Variants in ANGPT1 observed in about 807,000 individuals in gnomAD.
The protein encoded by ANGPT1 is angiopoietin 1, also known as angiopoietin-1.
Under a neutral mutation model 62.2 loss-of-function variants are expected in ANGPT1, and 17 were observed. That is an observed-to-expected ratio of 0.27 (90% confidence interval 0.19 to 0.41). The LOEUF (loss-of-function observed/expected upper bound fraction) is 0.41, where lower values mean the gene tolerates loss of function less well. ANGPT1 is among the 10% of genes least tolerant of loss of function. The probability of loss-of-function intolerance (pLI) is 1.00; values close to 1 mark genes in which losing one functional copy is unlikely to be tolerated. For missense variants in ANGPT1, 478 were observed against 594.9 expected, an observed-to-expected ratio of 0.80 and a Z score of 2.04; for synonymous variants, 199 against 198.9, an observed-to-expected ratio of 1.00 and a Z score of 0.00.
chr8:107,272,774 T>C (rs118024471), intron 7 of ANGPT1, among the ~76,000 whole-genome samples: 5,904 of 150,674 alleles, frequency 0.039, 181 homozygotes, highest in Non-Finnish European at 0.056. Context: ...ATATATGAGA[T>C]CTGTGACAAT....
chr8:107,428,672 TAACTA>T (rs1403421267), intron 1 of ANGPT1, among the ~76,000 whole-genome samples: 4 of 151,974 alleles, frequency 2.6e-5, no homozygotes, highest in African/African-American at 9.7e-5. Flanking sequence ...TCGAGTGCTA[TAACTA>T]AACAAGAACA....
intron 1 of ANGPT1, among the ~76,000 whole-genome samples, chr8:107,449,844 T>C (rs1811722527): frequency 6.6e-6 from 1 of 152,122 alleles, no homozygotes; most frequent in Non-Finnish European, 1.5e-5. Context: ...ATTCGTCCTG[T>C]ATGATGAATC....
At chr8:107,268,310 T>C (rs1813661106) in intron 7 of ANGPT1, among the ~76,000 whole-genome samples, 1 of 152,068 alleles carries the variant, frequency 6.6e-6, no homozygotes, top group East Asian at 1.9e-4. Flanking sequence ...GAAGTATAGC[T>C]TTTACATCTC....
chr8:107,497,180 C>T, intron 1 of ANGPT1, 82 bp downstream of exon 1: 2 of 1,449,304 alleles, frequency 1.4e-6, no homozygotes, highest in Non-Finnish European at 1.9e-6. Context: ...TACACAAATG[C>T]TCCCCTAAGG....
Position 107,368,520 on chromosome 8 carries a change from T to C in ANGPT1, c.298-21423A>G, listed in dbSNP as rs1401110028. Among the ~76,000 whole-genome samples the C allele has an allele frequency of 2.2e-4, 2 of 9,080 alleles. 1 individual carries two copies. Among genetic ancestry groups the C allele is most frequent in the Non-Finnish European group, 8.9e-4 (2 of 2,236 alleles). The allele number at this position is 9,080 out of a possible 152,430, so 6.0% of individuals were successfully genotyped here. ...TAAGTATATTCCTTATACTTATTTA[T>C]AAGTATATTCCTTATACTTATTTAT... On this transcript the variant is annotated intron_variant, in intron 1 of 8. Coordinates refer to ENST00000517746, the MANE Select transcript of ANGPT1 (RefSeq NM_001146.5).
In ANGPT1 at chr8:107,347,058, C is replaced by A; in HGVS notation, c.337G>T (p.Ala113Ser). Residue 113 changes from alanine (A) to serine (S), a missense_variant, in exon 2 of 9, where the codon GCC becomes TCC. Coordinates refer to ENST00000517746, the MANE Select transcript of ANGPT1 (RefSeq NM_001146.5). ...YIVENMKSEM[A>S]QIQQNAVQNH... is the part of the protein sequence containing the mutation. ...TGAACTGCATTCTGCTGTATCTGGG[C>A]CATCTCCGACTTCATGTTTTCCACA... The A allele has an allele frequency of 1.2e-6, 2 of 1,613,716 alleles. No homozygotes were observed. The highest frequency in any genetic ancestry group is 1.3e-5 in the African/African-American group (1 of 74,980).
chr8:107,476,632 C>T (rs905874850), intron 1 of ANGPT1, among the ~76,000 whole-genome samples: 11 of 151,976 alleles, frequency 7.2e-5, no homozygotes, highest in African/African-American at 2.7e-4. Flanking sequence ...TTAGGATCGT[C>T]GTTTCCTCCT....
At chr8:107,425,484 T>C (rs185310194) in intron 1 of ANGPT1, among the ~76,000 whole-genome samples, 16 of 152,246 alleles carry the variant, frequency 1.1e-4, no homozygotes, top group African/African-American at 3.1e-4. Flanking sequence ...CAATTCAAAA[T>C]AGAGGTAATT....
At chr8:107,374,090 CT>C (rs1816474246) in intron 1 of ANGPT1, among the ~76,000 whole-genome samples, 1 of 152,080 alleles carries the variant, frequency 6.6e-6, no homozygotes, top group Admixed American at 6.5e-5. Context: ...ATTAATGTTT[CT>C]TTTTTATATA....
chr8:107,310,323 T>G (rs1814819409), intron 4 of ANGPT1, among the ~76,000 whole-genome samples: 1 of 152,150 alleles, frequency 6.6e-6, no homozygotes, highest in Admixed American at 6.5e-5. Flanking sequence ...TGCTACTAAC[T>G]TCACCAAAAC....
intron 1 of ANGPT1, among the ~76,000 whole-genome samples, chr8:107,409,827 CT>C (rs1458095068): frequency 2.0e-5 from 3 of 151,126 alleles, no homozygotes; most frequent in Admixed American, 6.6e-5. Flanking sequence ...ACCTTCTTTT[CT>C]GTTTAACTAG....
In ANGPT1 at chr8:107,420,363, C is replaced by T. The variant is rs559580613; in HGVS notation, c.298-73266G>A. On this transcript the variant is annotated intron_variant, in intron 1 of 8. Transcript: ENST00000517746. ...TTGGCCAAGGTAGTCGTGTACCATACGTGACAAAGCCTATCAGTTCTTAGG... is the reference window on the plus strand; with the variant it reads ...TTGGCCAAGGTAGTCGTGTACCATATGTGACAAAGCCTATCAGTTCTTAGG... Among the ~76,000 whole-genome samples the T allele has an allele frequency of 5.9e-5, 9 of 152,128 alleles. No individual in the cohort carries two copies. In the South Asian group the frequency reaches 1.0e-3, roughly 18 times the overall value.
chr8:107,479,694 T>C (rs1005637573), intron 1 of ANGPT1, among the ~76,000 whole-genome samples: 3 of 152,194 alleles, frequency 2.0e-5, no homozygotes, highest in African/African-American at 7.2e-5. Context: ...GACTAGATTC[T>C]CAAAAATCCA....
intron 1 of ANGPT1, among the ~76,000 whole-genome samples, chr8:107,396,782 TA>T (rs1231126117): frequency 1.3e-5 from 2 of 152,032 alleles, no homozygotes; most frequent in Non-Finnish European, 2.9e-5. Context: ...CACGACCCCC[TA>T]AAGTGCTAGG....
At chr8:107,464,962 C>T (rs746117901) in intron 1 of ANGPT1, among the ~76,000 whole-genome samples, 19 of 151,774 alleles carry the variant, frequency 1.3e-4, no homozygotes, top group African/African-American at 4.3e-4. Context: ...CCAGAGGAGC[C>T]GATATTTGGT....
At chr8:107,487,314 C>T (rs556031333) in intron 1 of ANGPT1, among the ~76,000 whole-genome samples, 1 of 152,046 alleles carries the variant, frequency 6.6e-6, no homozygotes. Context: ...TTTGTCTTGC[C>T]TGGTCTGAGG....
intron 1 of ANGPT1, among the ~76,000 whole-genome samples, chr8:107,395,747 C>T (rs537319065): frequency 2.0e-5 from 3 of 152,144 alleles, no homozygotes; most frequent in Non-Finnish European, 4.4e-5. Context: ...ATAGATTTCA[C>T]TTTAACTTTG....
chr8:107,295,479 G>A (rs1484923562), intron 5 of ANGPT1: 1 of 151,924 alleles, frequency 6.6e-6, no homozygotes, highest in Non-Finnish European at 1.5e-5. Context: ...CTTACAACTG[G>A]GGGTATTATT....
intron 3 of ANGPT1, among the ~76,000 whole-genome samples, chr8:107,331,134 A>G (rs937455888): frequency 6.6e-6 from 1 of 152,156 alleles, no homozygotes; most frequent in South Asian, 2.1e-4. Context: ...TTAAAAGACT[A>G]TGATTTCATT....
Sources: allele counts gnomAD v4.1 joint callset (sites outside exome capture counted in the v4.1 genomes callset), GRCh38; gene constraint gnomAD v4.1.1; transcripts MANE v1.5; gene names NCBI Gene and HGNC (gene_info 2026-07-23, HGNC 2026-07-21).